Variants in CNTNAP2 observed in about 807,000 individuals in gnomAD.
The protein encoded by CNTNAP2 is contactin-associated protein-like 2.
A neutral mutation model predicts 155.2 loss-of-function variants in CNTNAP2; 98 were observed. That is an observed-to-expected ratio of 0.63 (90% CI 0.54 to 0.75). CNTNAP2 has a LOEUF of 0.75. Ranked by LOEUF, CNTNAP2 falls within the 30% of genes least tolerant of loss-of-function variation. The pLI is 0.00. For missense variants in CNTNAP2, 1,727 were observed against 1,688.1 expected, an observed-to-expected ratio of 1.02 and a Z score of -0.40; for synonymous variants, 651 against 631.2, an observed-to-expected ratio of 1.03 and a Z score of -0.47.
At chr7:146,322,391 G>A in intron 1 of CNTNAP2, among the ~76,000 whole-genome samples, 1 of 152,126 alleles carries the variant, frequency 6.6e-6, no homozygotes, top group Middle Eastern at 3.2e-3. Flanking sequence ...TGTGCATGAT[G>A]TTTAGAGGCA....
rs182888482 is a variant in CNTNAP2 at position 147,893,698 on chromosome 7, T to A, written c.2099-9867T>A. Among the ~76,000 whole-genome samples, 291 of 152,072 alleles carry A rather than the reference T, an allele frequency of 1.9e-3. 3 individuals carry two copies. In the South Asian group the frequency reaches 0.029, roughly 15 times the overall value. ...CCTATACTTACCTCCCACCCGTGGG[T>A]GAAAAACAAAAAAATCAGAAGTTAT... On this transcript the variant is annotated intron_variant, in intron 13 of 23. Coordinates refer to ENST00000361727, the MANE Select transcript of CNTNAP2 (RefSeq NM_014141.6).
chr7:147,420,938 C>G (rs1182318970), intron 10 of CNTNAP2, among the ~76,000 whole-genome samples: 4 of 152,076 alleles, frequency 2.6e-5, no homozygotes, highest in African/African-American at 9.7e-5. Flanking sequence ...GGAGTGTTTT[C>G]TTTTTGATGT....
intron 9 of CNTNAP2, among the ~76,000 whole-genome samples, chr7:147,317,906 C>T (rs2692154): frequency 0.49 from 74,374 of 151,270 alleles, 19,431 homozygotes; most frequent in East Asian, 0.73. Flanking sequence ...CTGCTTTCTA[C>T]GGTTTGTCTC....
chr7:147,919,459 C>CTTTCTTTCTTTTTTTTT (rs58537091), intron 14 of CNTNAP2, among the ~76,000 whole-genome samples: 5 of 51,232 alleles, frequency 9.8e-5, no homozygotes, highest in African/African-American at 5.4e-4. Context: ...CTTTTTCTTT[C>CTTTCTTTCTTTTTTTTT]TTTTTTTTTT....
At chr7:147,465,257 A>G (rs12703915) in intron 10 of CNTNAP2, among the ~76,000 whole-genome samples, 27,320 of 152,198 alleles carry the variant, frequency 0.18, 3,151 homozygotes, top group Non-Finnish European at 0.25. Context: ...AAACCTCAGC[A>G]TTACACAATA....
At chr7:146,916,232 G>A (rs1273645953) in intron 3 of CNTNAP2, among the ~76,000 whole-genome samples, 5 of 152,072 alleles carry the variant, frequency 3.3e-5, no homozygotes, top group South Asian at 2.1e-4. Flanking sequence ...GTATTTTATC[G>A]AGAATTTTTT....
chr7:146,998,382 G>T (rs1798352375), intron 3 of CNTNAP2, among the ~76,000 whole-genome samples: 1 of 151,814 alleles, frequency 6.6e-6, no homozygotes, highest in Admixed American at 6.6e-5. Flanking sequence ...TGTCACTGTG[G>T]TCTGAAAAGA....
chr7:147,514,824 G>A (rs58989753), intron 11 of CNTNAP2, among the ~76,000 whole-genome samples: 119 of 152,148 alleles, frequency 7.8e-4, no homozygotes, highest in African/African-American at 2.8e-3. Flanking sequence ...CTCTATCACC[G>A]CCATTCTGGT....
intron 1 of CNTNAP2, among the ~76,000 whole-genome samples, chr7:146,724,497 T>A (rs562640922): frequency 6.6e-6 from 1 of 152,004 alleles, no homozygotes; most frequent in South Asian, 2.1e-4. Flanking sequence ...TTTAATCACT[T>A]TGTAAGATTC....
At chr7:147,000,446 T>G (rs1412738527) in intron 3 of CNTNAP2, among the ~76,000 whole-genome samples, 3 of 152,078 alleles carry the variant, frequency 2.0e-5, no homozygotes, top group Non-Finnish European at 2.9e-5. Context: ...TATTCTTGAT[T>G]TTTTTGGTCA....
intron 21 of CNTNAP2, among the ~76,000 whole-genome samples, chr7:148,300,023 C>G (rs1024566869): frequency 1.3e-5 from 2 of 152,130 alleles, no homozygotes; most frequent in African/African-American, 4.8e-5. Flanking sequence ...CTTGAATTCA[C>G]CTTGAGAGAG....
At chr7:147,067,245 C>G (rs899565462) in intron 4 of CNTNAP2, among the ~76,000 whole-genome samples, 6 of 136,440 alleles carry the variant, frequency 4.4e-5, no homozygotes, top group South Asian at 2.3e-4. Flanking sequence ...GAGCCAAGGT[C>G]ACGCCAATGC....
chr7:147,509,402 G>A (rs796246184), intron 11 of CNTNAP2, among the ~76,000 whole-genome samples: 8 of 152,318 alleles, frequency 5.3e-5, no homozygotes, highest in African/African-American at 1.9e-4. Flanking sequence ...ATAATGAATG[G>A]AAATTCCATA....
chr7:147,807,946 T>A (rs139398952), intron 13 of CNTNAP2, among the ~76,000 whole-genome samples: 1 of 152,288 alleles, frequency 6.6e-6, no homozygotes, highest in Non-Finnish European at 1.5e-5. Context: ...TCAAAAAATG[T>A]TTGAGATTCA....
intron 1 of CNTNAP2, among the ~76,000 whole-genome samples, chr7:146,373,294 G>A (rs1295171232): frequency 6.6e-6 from 1 of 152,086 alleles, no homozygotes; most frequent in African/African-American, 2.4e-5. Flanking sequence ...TTGGTGCCTC[G>A]CCTTAAGCCA....
In CNTNAP2 at chr7:148,059,127, A is replaced by T. The variant is rs373865150; in HGVS notation, c.2384-58991A>T. Among the ~76,000 whole-genome samples the T allele has an allele frequency of 1.5e-4, 23 of 152,200 alleles. No homozygotes were observed. The East Asian group carries it at 3.7e-3, about 24-fold the overall frequency. On this transcript the variant is annotated intron_variant, in intron 15 of 23. Transcript: ENST00000361727. ...GAAACCCAATCTCTACCAAAAAAAT[A>T]AAAAATAAAAATTAGCTGGGCGTGG...
intron 12 of CNTNAP2, among the ~76,000 whole-genome samples, chr7:147,593,277 A>G (rs1800773295): frequency 6.7e-6 from 1 of 148,464 alleles, no homozygotes; most frequent in Non-Finnish European, 1.5e-5. Context: ...AGGTTCAGAG[A>G]TGGAAGGAAC....
At chr7:146,785,261 A>G (rs564254330) in intron 2 of CNTNAP2, among the ~76,000 whole-genome samples, 25 of 152,324 alleles carry the variant, frequency 1.6e-4, no homozygotes, top group Admixed American at 1.2e-3. Context: ...GGCATGAGCC[A>G]CAGAGCGCAG....
At chr7:146,454,307 C>T (rs1189394563) in intron 1 of CNTNAP2, among the ~76,000 whole-genome samples, 2 of 152,048 alleles carry the variant, frequency 1.3e-5, no homozygotes, top group Admixed American at 6.6e-5. Context: ...ACCCCCTTTA[C>T]GTATTTCTAA....
Sources: allele counts gnomAD v4.1 joint callset (sites outside exome capture counted in the v4.1 genomes callset), GRCh38; gene constraint gnomAD v4.1.1; transcripts MANE v1.5; gene names NCBI Gene and HGNC (gene_info 2026-07-23, HGNC 2026-07-21).